The following FBXO34 variants were observed in gnomAD, a reference collection of about 807,000 sequenced individuals.
The protein encoded by FBXO34 is F-box only protein 34.
FBXO34 carries 12 observed loss-of-function variants against 24.5 expected under a neutral mutation model. That is an observed-to-expected ratio of 0.49 (90% CI 0.31 to 0.79). FBXO34 has a LOEUF of 0.79. FBXO34 is among the 30% of genes least tolerant of loss of function. The pLI is 0.04. For missense variants in FBXO34, 823 were observed against 857.7 expected, an observed-to-expected ratio of 0.96 and a Z score of 0.51; for synonymous variants, 320 against 311.9, an observed-to-expected ratio of 1.03 and a Z score of -0.27.
chr14:55,421,876 T>C, the FBXO34 span, among the ~76,000 whole-genome samples: 1 of 152,238 alleles, frequency 6.6e-6, no homozygotes, highest in Admixed American at 6.5e-5. Context: ...GATGCTGAGT[T>C]ATGACTTAAT....
At chr14:55,280,527 C>A (rs112508138) in intron 1 of FBXO34, among the ~76,000 whole-genome samples, 14 of 125,902 alleles carry the variant, frequency 1.1e-4, no homozygotes, top group Admixed American at 2.5e-4. Flanking sequence ...ATATCAGGAA[C>A]TTTTTTTTTT....
intron 1 of FBXO34, among the ~76,000 whole-genome samples, chr14:55,306,175 A>G (rs1401928534): frequency 6.6e-6 from 1 of 152,256 alleles, no homozygotes; most frequent in Admixed American, 6.5e-5. Flanking sequence ...TAAACTTCCA[A>G]AAAGTTGCTT....
the FBXO34 span, among the ~76,000 whole-genome samples, chr14:55,428,119 C>CTTTTTTT: frequency 0.056 from 2,415 of 43,330 alleles, 886 homozygotes; most frequent in East Asian, 0.11. Flanking sequence ...CATGCCTTAT[C>CTTTTTTT]TTTTTTTTTT....
At chr14:55,335,060 G>A (rs1883729184) in intron 1 of FBXO34, among the ~76,000 whole-genome samples, 1 of 152,186 alleles carries the variant, frequency 6.6e-6, no homozygotes, top group Admixed American at 6.5e-5. Flanking sequence ...CATTGCAGTG[G>A]ATTGAGTGGA....
At chr14:55,322,466 G>A (rs560363011) in intron 1 of FBXO34, among the ~76,000 whole-genome samples, 1 of 152,276 alleles carries the variant, frequency 6.6e-6, no homozygotes, top group African/African-American at 2.4e-5. Context: ...ATTGGCTTCA[G>A]TAACTGATTT....
chr14:55,413,899 C>T, the FBXO34 span: 3 of 455,116 alleles, frequency 6.6e-6, no homozygotes, highest in Admixed American at 4.6e-5. Context: ...GTAACATTTG[C>T]GGAGCACTCC....
At chr14:55,337,085 T>C (rs1403931885) in intron 1 of FBXO34, among the ~76,000 whole-genome samples, 2 of 151,858 alleles carry the variant, frequency 1.3e-5, no homozygotes, top group African/African-American at 4.8e-5. Flanking sequence ...GAGATCCTCT[T>C]GCCTTAGCCT....
chr14:55,407,023 G>A, the FBXO34 span, among the ~76,000 whole-genome samples: 4 of 151,002 alleles, frequency 2.6e-5, no homozygotes, highest in East Asian at 1.9e-4. Flanking sequence ...GTACAGTGGC[G>A]TGATCTCAGC....
At position 55,331,715 on chromosome 14, in the gene FBXO34, ATGTATATATATATGTATATATATATGTG is replaced by A. The variant is rs1883563708; in HGVS notation, c.-10-18652_-10-18625del. On this transcript the variant is annotated intron_variant, in intron 1 of 1. Coordinates refer to ENST00000313833, the MANE Select transcript of FBXO34 (RefSeq NM_017943.4). ...TATATATATATATATGTATATATAT[ATGTATATATATATGTATATATATATGTG>A]TGTATATATATATATATGTATATAT... 4.4e-5 allele frequency among the ~76,000 whole-genome samples: 2 copies of A among 45,676 alleles called. 1 individual carries two copies. The highest frequency in any genetic ancestry group is 7.8e-5 in the Non-Finnish European group (2 of 25,528). The allele number at this position is 45,676 out of a possible 152,430, so 30.0% of individuals were successfully genotyped here.
At chr14:55,331,180 C>T (rs1028437136) in intron 1 of FBXO34, among the ~76,000 whole-genome samples, 1 of 152,132 alleles carries the variant, frequency 6.6e-6, no homozygotes, top group African/African-American at 2.4e-5. Flanking sequence ...TTAGGCCCCA[C>T]TAGGTAGTTT....
At position 55,351,761 on chromosome 14, in the gene FBXO34, T is replaced by G; in HGVS notation, c.1371T>G (p.Ser457Arg). The change falls in exon 2 of 2, where the codon AGT (serine) becomes AGG (arginine). Residue 457 changes from serine to arginine, a missense_variant. Transcript: ENST00000313833. ...AAAGAAAAGAATCTTTGTGCATTAG[T>G]ATCACTGTGTCCAAGGTAGACAAAG... is the stretch of plus-strand genomic sequence containing the variant. ...PDQRKESLCI[S>R]ITVSKVDKDQ... is the part of the protein sequence containing the mutation. 1.2e-6 allele frequency: 2 copies of G among 1,614,230 alleles called. No individual in the cohort carries two copies. Among genetic ancestry groups the G allele is most frequent in the Non-Finnish European group, 1.7e-6 (2 of 1,180,046 alleles).
chr14:55,375,309 G>T, the FBXO34 span, among the ~76,000 whole-genome samples: 2 of 152,012 alleles, frequency 1.3e-5, no homozygotes, highest in Non-Finnish European at 2.9e-5. Context: ...ACACAAGACA[G>T]CAACTGTTTT....
intron 1 of FBXO34, among the ~76,000 whole-genome samples, chr14:55,300,795 C>T (rs567184588): frequency 1.3e-5 from 2 of 152,150 alleles, no homozygotes; most frequent in Non-Finnish European, 2.9e-5. Flanking sequence ...AATGAAATGT[C>T]GGTCATTTTC....
At chr14:55,298,498 T>C (rs140904777) in intron 1 of FBXO34, 23 of 596,164 alleles carry the variant, frequency 3.9e-5, no homozygotes, top group African/African-American at 2.6e-4. Context: ...TGAGCCCTTA[T>C]GTTTGTACCA....
chr14:55,305,755 T>G (rs1882522932), intron 1 of FBXO34, among the ~76,000 whole-genome samples: 1 of 152,200 alleles, frequency 6.6e-6, no homozygotes, highest in South Asian at 2.1e-4. Context: ...TATAAAAATT[T>G]TTACTGAATT....
At chr14:55,383,720 G>A in the FBXO34 span, among the ~76,000 whole-genome samples, 187 of 151,716 alleles carry the variant, frequency 1.2e-3, 1 homozygote, top group African/African-American at 4.4e-3. Context: ...TCATACCATT[G>A]CACTCCAGCC....
chr14:55,398,142 G>A, the FBXO34 span, among the ~76,000 whole-genome samples: 2 of 151,916 alleles, frequency 1.3e-5, no homozygotes, highest in Admixed American at 6.6e-5. Context: ...TAGTAGAGAC[G>A]GGGTTTCACT....
chr14:55,391,072 T>C, the FBXO34 span: 2 of 891,638 alleles, frequency 2.2e-6, no homozygotes, highest in Non-Finnish European at 3.5e-6. Context: ...TCACTGCTTA[T>C]TTTCAGATAT....
intron 1 of FBXO34, among the ~76,000 whole-genome samples, chr14:55,346,163 T>A (rs1468991808): frequency 2.0e-5 from 3 of 152,236 alleles, no homozygotes; most frequent in Non-Finnish European, 4.4e-5. Flanking sequence ...CTACCTAGTC[T>A]AGTAGTCATG....
Sources: allele counts gnomAD v4.1 joint callset (sites outside exome capture counted in the v4.1 genomes callset), GRCh38; gene constraint gnomAD v4.1.1; transcripts MANE v1.5; gene names NCBI Gene and HGNC (gene_info 2026-07-23, HGNC 2026-07-21).